Variants in PALMD observed in about 807,000 individuals in gnomAD.
PALMD encodes paralemmin-like protein.
PALMD carries 42 observed loss-of-function variants against 56.2 expected under a neutral mutation model. The observed-to-expected ratio is 0.75, with a 90% CI of 0.58 to 0.97. The LOEUF (loss-of-function observed/expected upper bound fraction) is 0.97. PALMD is among the 50% of genes least tolerant of loss of function. The pLI is 0.00. For missense variants in PALMD, 660 were observed against 643.8 expected (o/e 1.03, Z -0.27); for synonymous variants, 242 against 222.9 (o/e 1.09, Z -0.76).
chr1:99,657,697 T>C (rs953981276), intron 1 of PALMD, among the ~76,000 whole-genome samples: 1 of 152,220 alleles, frequency 6.6e-6, no homozygotes, highest in Admixed American at 6.5e-5. Flanking sequence ...CAGTATTAGC[T>C]ACTGAAAATC....
intron 1 of PALMD, among the ~76,000 whole-genome samples, chr1:99,651,738 A>G (rs1652589986): frequency 6.6e-6 from 1 of 152,256 alleles, no homozygotes; most frequent in Non-Finnish European, 1.5e-5. Flanking sequence ...TCATCAAAGC[A>G]GTTTGAATGA....
chr1:99,688,719 G>A, intron 6 of PALMD, 56 bp from the exon 7 acceptor site: 2 of 1,112,034 alleles, frequency 1.8e-6, no homozygotes, highest in South Asian at 3.1e-5. Flanking sequence ...GTGAAAGCAG[G>A]TTAGTTTACA....
chr1:99,678,182 C>T (rs1172066449), intron 3 of PALMD, among the ~76,000 whole-genome samples: 3 of 151,310 alleles, frequency 2.0e-5, no homozygotes, highest in African/African-American at 4.9e-5. Context: ...GAACTCACTG[C>T]GACCTCTGCC....
At chr1:99,665,558 T>G (rs1451465001) in intron 2 of PALMD, among the ~76,000 whole-genome samples, 4 of 152,164 alleles carry the variant, frequency 2.6e-5, no homozygotes, top group Admixed American at 2.6e-4. Context: ...CTAACTAGAC[T>G]AAAAACCAAG....
At chr1:99,661,617 A>G (rs974488596) in intron 1 of PALMD, among the ~76,000 whole-genome samples, 11 of 152,216 alleles carry the variant, frequency 7.2e-5, no homozygotes, top group African/African-American at 2.7e-4. Context: ...AGTCAAACCC[A>G]GGCTGTCTAC....
intron 7 of PALMD, among the ~76,000 whole-genome samples, chr1:99,691,465 G>A (rs1019768102): frequency 2.0e-5 from 3 of 152,076 alleles, no homozygotes; most frequent in African/African-American, 7.2e-5. Flanking sequence ...TAACAATACA[G>A]AGTTCTGTAT....
At chr1:99,657,039 A>G (rs1652741373) in intron 1 of PALMD, among the ~76,000 whole-genome samples, 1 of 152,310 alleles carries the variant, frequency 6.6e-6, no homozygotes, top group Admixed American at 6.5e-5. Flanking sequence ...ATAAACTTCC[A>G]TGTGGGTTCC....
chr1:99,665,829 A>G (rs1652947756), intron 2 of PALMD, among the ~76,000 whole-genome samples: 1 of 152,218 alleles, frequency 6.6e-6, no homozygotes, highest in Admixed American at 6.5e-5. Flanking sequence ...TGCTATATTC[A>G]GAGTTTCTTA....
At position 99,689,610 on chromosome 1, in the gene PALMD, G is replaced by T. The variant is rs149982562; in HGVS notation, c.1350G>T (p.Glu450Asp). Reference sequence around the variant, plus strand: ...CTGAGCTGGTTGTGATTGATGATGAGGAGGAGGAGGATGAAGGAGAAGCAG... The same window carrying T: ...CTGAGCTGGTTGTGATTGATGATGATGAGGAGGAGGATGAAGGAGAAGCAG... ...IHAELVVIDD[E>D]EEEDEGEAEK... The change falls in exon 7 of 8, where the codon GAG becomes GAT. Residue 450 changes from glutamate (E) to aspartate (D), a missense_variant. Physicochemically the swap from Glu to Asp is conservative, Grantham distance 45. Coordinates refer to ENST00000263174, the MANE Select transcript of PALMD (RefSeq NM_017734.5). 27 of 1,612,284 alleles carry T rather than the reference G, an allele frequency of 1.7e-5. No individual in the cohort carries two copies. Among genetic ancestry groups the T allele is most frequent in the African/African-American group, 8.0e-5 (6 of 74,832 alleles).
intron 1 of PALMD, among the ~76,000 whole-genome samples, chr1:99,655,512 A>T (rs1417313564): frequency 1.3e-5 from 2 of 152,088 alleles, no homozygotes; most frequent in African/African-American, 4.8e-5. Context: ...CTAGGGATTA[A>T]TCCGTAATTT....
At chr1:99,657,334 C>T (rs1479706778) in intron 1 of PALMD, among the ~76,000 whole-genome samples, 1 of 152,172 alleles carries the variant, frequency 6.6e-6, no homozygotes, top group Admixed American at 6.5e-5. Context: ...CGTCATTCTG[C>T]TCTCTCGTCA....
intron 3 of PALMD, among the ~76,000 whole-genome samples, chr1:99,672,345 TAG>T: frequency 6.6e-6 from 1 of 152,212 alleles, no homozygotes; most frequent in Admixed American, 6.5e-5. Context: ...TTTGCTTAAA[TAG>T]AGTTTCAATT....
Position 99,689,208 on chromosome 1 carries a change from C to G in PALMD, c.948C>G (p.Asn316Lys). 6.2e-7 allele frequency: 1 copy of G among 1,613,562 alleles called. No individual in the cohort carries two copies. Among genetic ancestry groups the G allele is most frequent in the Non-Finnish European group, 8.5e-7 (1 of 1,179,762 alleles). ...GTCTTTCAGAGGAAAGGGGAAACAA[C>G]TTCAATCACATCAGTCCCATTCCGC... ...GNGLSEERGN[N>K]FNHISPIPPV... is the part of the protein sequence containing the mutation. Residue 316 changes from asparagine (N) to lysine (K), a missense_variant, in exon 7 of 8, where the codon AAC becomes AAG. Coordinates refer to ENST00000263174, the MANE Select transcript of PALMD (RefSeq NM_017734.5).
At chr1:99,650,270 A>G (rs965602599) in intron 1 of PALMD, among the ~76,000 whole-genome samples, 4 of 145,110 alleles carry the variant, frequency 2.8e-5, no homozygotes, top group African/African-American at 7.8e-5. Flanking sequence ...TTTGCCGGCC[A>G]AAGCTGCTCA....
Position 99,694,128 on chromosome 1 carries a change from C to G in PALMD, c.*66C>G, listed in dbSNP as rs933007060. 1.8e-6 allele frequency: 2 copies of G among 1,121,850 alleles called. No individual in the cohort carries two copies. The highest frequency in any genetic ancestry group is 3.1e-5 in the African/African-American group (2 of 63,712). The allele number at this position is 1,121,850 out of a possible 1,614,324, so 69.5% of individuals were successfully genotyped here. Reference sequence around the variant, plus strand: ...TAAGAAGCATTTGCAAATTTCTCTTCTGGATATTTTGTTTATTTTTTCTGA... The same window carrying G: ...TAAGAAGCATTTGCAAATTTCTCTTGTGGATATTTTGTTTATTTTTTCTGA... On this transcript the variant is annotated 3_prime_UTR_variant, in exon 8 of 8. Coordinates refer to ENST00000263174, the MANE Select transcript of PALMD (RefSeq NM_017734.5).
chr1:99,669,014 G>A (rs1264799446), intron 3 of PALMD: 2 of 152,184 alleles, frequency 1.3e-5, no homozygotes, highest in Non-Finnish European at 2.9e-5. Flanking sequence ...ATTGCCTTTA[G>A]TGAGGACTGT....
At chr1:99,648,643 T>C (rs986641791) in intron 1 of PALMD, among the ~76,000 whole-genome samples, 4 of 151,496 alleles carry the variant, frequency 2.6e-5, no homozygotes, top group African/African-American at 9.7e-5. Context: ...TAGCAACACA[T>C]AGACCTCACT....
At chr1:99,671,997 ATTT>A (rs371472743) in intron 3 of PALMD, among the ~76,000 whole-genome samples, 1 of 152,216 alleles carries the variant, frequency 6.6e-6, no homozygotes, top group Non-Finnish European at 1.5e-5. Flanking sequence ...CTTTTATAGC[ATTT>A]TTAAGTTTCC....
intron 1 of PALMD, among the ~76,000 whole-genome samples, chr1:99,658,821 C>G (rs1223771886): frequency 6.6e-6 from 1 of 151,722 alleles, no homozygotes; most frequent in Non-Finnish European, 1.5e-5. Flanking sequence ...TGACATGCAT[C>G]TGTAGTCCCA....
Sources: allele counts gnomAD v4.1 joint callset (sites outside exome capture counted in the v4.1 genomes callset), GRCh38; gene constraint gnomAD v4.1.1; transcripts MANE v1.5; gene names NCBI Gene and HGNC (gene_info 2026-07-23, HGNC 2026-07-21).